Variants in CFAP47 observed in about 807,000 individuals in gnomAD.
The protein encoded by CFAP47 is cilia- and flagella-associated protein 47.
Under a neutral mutation model 148.1 loss-of-function variants are expected in CFAP47, and 29 were observed. The ratio of observed to expected loss-of-function variants is 0.20; its 90% CI spans 0.15 to 0.27. The LOEUF is 0.27. Ranked by LOEUF, CFAP47 falls within the 10% of genes least tolerant of loss-of-function variation. CFAP47 has a pLI of 1.00. For synonymous variants in CFAP47, 664 were observed against 577.3 expected (o/e 1.15, Z -2.15); for missense variants, 1,872 against 1,697.5 (o/e 1.10, Z -1.81).
chrX:36,381,300 C>G (rs1249260307), intron 63 of CFAP47, among the ~76,000 whole-genome samples: 1 of 111,348 alleles, frequency 9.0e-6, no homozygotes, highest in African/African-American at 3.3e-5. Context: ...CCCCTGACAA[C>G]CACTAATCTT....
intron 21 of CFAP47, among the ~76,000 whole-genome samples, chrX:36,003,194 G>A (rs1371020615): frequency 4.6e-5 from 5 of 109,088 alleles, no homozygotes; most frequent in African/African-American, 1.3e-4. Flanking sequence ...TGATGGTCAC[G>A]TTTTTGTCCT....
Position 36,349,990 on chromosome X carries a change from A to G in CFAP47, c.8604-48A>G, listed in dbSNP as rs1556017192. On this transcript the variant is annotated intron_variant, in intron 58 of 63. Coordinates refer to ENST00000378653, the MANE Select transcript of CFAP47 (RefSeq NM_001304548.2). ...AATAAATAATAAGCTTTTTGTTAAT[A>G]TGGAGTTTCTCCTTTTGTTCCCTCT... The G allele has an allele frequency of 2.1e-5, 16 of 761,111 alleles. No individual in the cohort carries two copies. In the South Asian group the frequency reaches 3.1e-4, roughly 15 times the overall value. The allele number at this position is 761,111 out of a possible 1,213,427, so 62.7% of individuals were successfully genotyped here. A position where few individuals can be genotyped will look rare whatever the true frequency, so the allele number is the denominator to read the frequency against.
intron 33 of CFAP47, among the ~76,000 whole-genome samples, chrX:36,118,408 A>C (rs1247703723): frequency 9.0e-6 from 1 of 111,151 alleles, no homozygotes; most frequent in Non-Finnish European, 1.9e-5. Context: ...TGTCATCTTC[A>C]ATTTCTTTCA....
intron 33 of CFAP47, among the ~76,000 whole-genome samples, chrX:36,116,489 G>C (rs1180111117): frequency 8.9e-6 from 1 of 112,231 alleles, no homozygotes; most frequent in Non-Finnish European, 1.9e-5. Context: ...TAGGTGTTTT[G>C]GTGAGATGCC....
chrX:36,325,476 C>T (rs1941510778), intron 57 of CFAP47, among the ~76,000 whole-genome samples: 1 of 111,554 alleles, frequency 9.0e-6, no homozygotes, highest in Admixed American at 9.6e-5. Flanking sequence ...CAGTATCACT[C>T]GAAAGTATCT....
intron 3 of CFAP47, among the ~76,000 whole-genome samples, chrX:35,948,100 G>T (rs1328106025): frequency 9.0e-6 from 1 of 111,060 alleles, no homozygotes; most frequent in Non-Finnish European, 1.9e-5. Context: ...TAGTTGATGA[G>T]CTTAAAATGT....
In CFAP47 at chrX:35,976,916, A is replaced by G. The variant is rs1208050678; in HGVS notation, c.2713+1003A>G. ...TTGTTTCTGCCATTCCCTGGAGTCT[A>G]TAATTCCACATAGTATACCTGCTGT... On this transcript the variant is annotated intron_variant, in intron 15 of 63. Coordinates refer to ENST00000378653, the MANE Select transcript of CFAP47 (RefSeq NM_001304548.2). 3.6e-5 allele frequency among the ~76,000 whole-genome samples: 4 copies of G among 111,773 alleles called. No individual in the cohort carries two copies. In the East Asian group the frequency reaches 8.4e-4, roughly 24 times the overall value.
chrX:36,010,424 C>T (rs1334831440), intron 21 of CFAP47, among the ~76,000 whole-genome samples: 2 of 108,203 alleles, frequency 1.8e-5, no homozygotes, highest in Admixed American at 9.9e-5. Flanking sequence ...CATGTCTCCT[C>T]TCATTTGTTT....
chrX:36,002,195 C>T (rs1050705006), intron 21 of CFAP47, among the ~76,000 whole-genome samples: 3 of 111,132 alleles, frequency 2.7e-5, no homozygotes, highest in African/African-American at 9.8e-5. Flanking sequence ...CTGAAATGTG[C>T]CCAGAAGGAA....
intron 35 of CFAP47, chrX:36,144,714 T>G (rs753249498): frequency 4.9e-6 from 5 of 1,025,017 alleles, no homozygotes; most frequent in Non-Finnish European, 6.4e-6. Context: ...GTTTGCTTGT[T>G]TTTTTGTTTG....
chrX:36,043,061 A>C (rs1320250909), intron 25 of CFAP47, among the ~76,000 whole-genome samples: 1 of 112,036 alleles, frequency 8.9e-6, no homozygotes, highest in Non-Finnish European at 1.9e-5. Context: ...ATTATTCAGT[A>C]AATGATGGAA....
At chrX:36,085,640 AACACACAC>A (rs200423976) in intron 30 of CFAP47, 102 bp downstream of exon 30, 3 of 333,165 alleles carry the variant, frequency 9.0e-6, no homozygotes, top group Non-Finnish European at 1.0e-5. Context: ...TTTCTAACCA[AACACACAC>A]ACACACACAC....
chrX:36,247,066 C>T (rs1940624757), intron 48 of CFAP47, among the ~76,000 whole-genome samples: 2 of 111,549 alleles, frequency 1.8e-5, no homozygotes, highest in Admixed American at 9.6e-5. Context: ...AAATGTAGTA[C>T]ATATATACCA....
chrX:36,173,250 GC>G (rs1381740992), intron 39 of CFAP47, among the ~76,000 whole-genome samples: 1 of 111,384 alleles, frequency 9.0e-6, no homozygotes, highest in Non-Finnish European at 1.9e-5. Context: ...CAAAAAACCA[GC>G]TCCTGGATTC....
At chrX:36,081,695 T>C (rs1335942091) in intron 29 of CFAP47, among the ~76,000 whole-genome samples, 3 of 111,449 alleles carry the variant, frequency 2.7e-5, no homozygotes, top group African/African-American at 9.8e-5. Context: ...CAACACACAC[T>C]AATTAGTCAA....
intron 62 of CFAP47, among the ~76,000 whole-genome samples, chrX:36,375,386 A>G (rs782326487): frequency 2.0e-4 from 22 of 112,288 alleles, no homozygotes; most frequent in Non-Finnish European, 3.6e-4. Context: ...GTGGTCAGTA[A>G]GAATACTTGA....
At chrX:36,239,950 T>C (rs1187719920) in intron 48 of CFAP47, among the ~76,000 whole-genome samples, 1 of 111,930 alleles carries the variant, frequency 8.9e-6, no homozygotes, top group East Asian at 2.8e-4. Context: ...AGAAGATTTA[T>C]TGGTTCTTTC....
At position 35,971,637 on chromosome X, in the gene CFAP47, A is replaced by G; in HGVS notation, c.2022A>G (p.Ser674=). The G allele has an allele frequency of 8.3e-7, 1 of 1,201,814 alleles. No individual in the cohort carries two copies. Among genetic ancestry groups the G allele is most frequent in the South Asian group, 1.8e-5 (1 of 55,848 alleles). Residue 674 remains serine (S), a synonymous_variant, in exon 12 of 64, where the codon TCA becomes TCG. Transcript: ENST00000378653. ...DDTDIGLEPG[S]GLKSPSLSEA... ...CAGACATAGGCTTAGAGCCAGGATCAGGTCTAAAGTCACCCTCACTCTCAG... is the reference window on the plus strand; with the variant it reads ...CAGACATAGGCTTAGAGCCAGGATCGGGTCTAAAGTCACCCTCACTCTCAG...
At chrX:36,086,165 C>A (rs954805854) in intron 30 of CFAP47, among the ~76,000 whole-genome samples, 2 of 111,943 alleles carry the variant, frequency 1.8e-5, no homozygotes, top group South Asian at 7.3e-4. Flanking sequence ...GTCGTAATAT[C>A]TGTGTTCCTC....
Sources: gnomAD v4.1 joint callset for allele counts (sites outside exome capture counted in the v4.1 genomes callset) on GRCh38, gnomAD v4.1.1 for gene constraint, MANE v1.5 for transcripts, NCBI Gene and HGNC (gene_info 2026-07-23, HGNC 2026-07-21) for gene names.